Variants in KDM2B observed in about 807,000 individuals in gnomAD.
The protein encoded by KDM2B is lysine-specific demethylase 2B.
A neutral mutation model predicts 150.0 loss-of-function variants in KDM2B; 26 were observed. The observed-to-expected ratio is 0.17, with a 90% CI of 0.13 to 0.24. The LOEUF is 0.24. Among genes scored for constraint, KDM2B ranks in the 10% least tolerant of loss-of-function variants. The probability of loss-of-function intolerance (pLI) is 1.00; values close to 1 mark genes in which losing one functional copy is unlikely to be tolerated. For missense variants in KDM2B, 1,265 were observed against 1,816.9 expected, an observed-to-expected ratio of 0.70 and a Z score of 5.52; for synonymous variants, 734 against 729.5, an observed-to-expected ratio of 1.01 and a Z score of -0.10.
At chr12:121,554,033 CCACACACACACACACACACACACACACA>C (rs56659514) in intron 4 of KDM2B, among the ~76,000 whole-genome samples, 2 of 122,064 alleles carry the variant, frequency 1.6e-5, no homozygotes, top group African/African-American at 6.2e-5. Context: ...CACCCCAGCT[CCACACACACACACACACACACACACACA>C]CACACACACA....
chr12:121,479,613 C>T (rs183986547), intron 12 of KDM2B, among the ~76,000 whole-genome samples: 45 of 151,966 alleles, frequency 3.0e-4, no homozygotes, highest in South Asian at 4.2e-4. Context: ...ACTGTGACTC[C>T]ATTTTTCTCT....
chr12:121,571,893 C>T (rs367924396), intron 4 of KDM2B, among the ~76,000 whole-genome samples: 1 of 151,502 alleles, frequency 6.6e-6, no homozygotes, highest in East Asian at 2.0e-4. Context: ...CCTTGTGATT[C>T]GCCCGCGTCG....
the KDM2B span, among the ~76,000 whole-genome samples, chr12:121,415,840 C>CTTTTTTTTTTTTTTTTTTT: frequency 9.3e-6 from 1 of 108,096 alleles, no homozygotes; most frequent in African/African-American, 3.6e-5. Context: ...TTTGTCCAGT[C>CTTTTTTTTTTTTTTTTTTT]TTTTTTTTTT....
intron 12 of KDM2B, among the ~76,000 whole-genome samples, chr12:121,476,116 GAAAC>G (rs879955427): frequency 0.59 from 88,517 of 151,274 alleles, 26,567 homozygotes; most frequent in African/African-American, 0.73. Context: ...CCAACATGGT[GAAAC>G]CCTGTCTCTA....
intron 13 of KDM2B, 69 bp from the exon 14 acceptor site, chr12:121,445,487 C>G: frequency 2.0e-6 from 3 of 1,478,914 alleles, no homozygotes; most frequent in Non-Finnish European, 2.7e-6. Context: ...GGGGCCAGTT[C>G]AAGGGCAATG....
chr12:121,556,916 G>A (rs1413038493), intron 4 of KDM2B, among the ~76,000 whole-genome samples: 1 of 151,406 alleles, frequency 6.6e-6, no homozygotes, highest in Non-Finnish European at 1.5e-5. Context: ...AACTAAGCCA[G>A]TAAATCAATA....
At chr12:121,498,831 CTT>C (rs782234266) in intron 11 of KDM2B, among the ~76,000 whole-genome samples, 10 of 152,030 alleles carry the variant, frequency 6.6e-5, no homozygotes, top group South Asian at 2.1e-4. Flanking sequence ...TTTAAAGACT[CTT>C]TTAAAAAAAC....
chr12:121,581,394 C>G (rs147517324), upstream of KDM2B: 609 of 154,154 alleles, frequency 4.0e-3, 4 homozygotes, highest in African/African-American at 0.014. Context: ...TATCGGCACC[C>G]TCCGTACATA....
At chr12:121,536,671 T>C (rs2141642448) in intron 6 of KDM2B, among the ~76,000 whole-genome samples, 1 of 152,076 alleles carries the variant, frequency 6.6e-6, no homozygotes, top group East Asian at 1.9e-4. Context: ...TTTTTTTTTT[T>C]TTTTCTTTTT....
At chr12:121,455,779 C>T (rs912365927) in intron 12 of KDM2B, among the ~76,000 whole-genome samples, 5 of 152,214 alleles carry the variant, frequency 3.3e-5, no homozygotes, top group African/African-American at 1.2e-4. Context: ...AGTCCCACTG[C>T]GATTAGCACC....
At chr12:121,559,982 A>G (rs1208063672) in intron 4 of KDM2B, among the ~76,000 whole-genome samples, 1 of 151,736 alleles carries the variant, frequency 6.6e-6, no homozygotes, top group Non-Finnish European at 1.5e-5. Context: ...ATGGGTATTT[A>G]ATAATTTTAA....
chr12:121,565,560 G>C (rs1450393238), intron 4 of KDM2B, among the ~76,000 whole-genome samples: 1 of 151,744 alleles, frequency 6.6e-6, no homozygotes, highest in Non-Finnish European at 1.5e-5. Flanking sequence ...CAGGTGATCT[G>C]CCCACCTTGG....
chr12:121,492,556 C>T (rs991376165), intron 12 of KDM2B, among the ~76,000 whole-genome samples: 18 of 152,026 alleles, frequency 1.2e-4, no homozygotes, highest in Non-Finnish European at 2.1e-4. Flanking sequence ...GATCTGCCCA[C>T]CTTGGCCTCT....
chr12:121,448,265 A>G (rs1215881856), intron 13 of KDM2B, among the ~76,000 whole-genome samples: 1 of 139,438 alleles, frequency 7.2e-6, no homozygotes. Context: ...GGCTGCAGTG[A>G]GCCACGAGCA....
At chr12:121,559,034 G>A (rs1363029315) in intron 4 of KDM2B, among the ~76,000 whole-genome samples, 1 of 152,174 alleles carries the variant, frequency 6.6e-6, no homozygotes, top group Non-Finnish European at 1.5e-5. Flanking sequence ...TCCCAGTCAG[G>A]CCAGGGCCAA....
At chr12:121,582,188 CA>C (rs140109476), upstream of KDM2B, among the ~76,000 whole-genome samples, 1,406 of 152,214 alleles carry the variant, frequency 9.2e-3, 32 homozygotes, top group African/African-American at 0.032. Context: ...TGTTCGTTCC[CA>C]TTTTGCAAAG....
intron 9 of KDM2B, among the ~76,000 whole-genome samples, chr12:121,514,736 T>A: frequency 7.4e-6 from 1 of 134,448 alleles, no homozygotes; most frequent in Non-Finnish European, 1.6e-5. Context: ...TTCACTCCCC[T>A]AATCGCACTC....
chr12:121,505,068 G>A (rs1555302708), intron 11 of KDM2B, among the ~76,000 whole-genome samples: 1 of 145,718 alleles, frequency 6.9e-6, no homozygotes, highest in African/African-American at 2.6e-5. Context: ...AGTGAGCCGA[G>A]ATCACGCCAC....
intron 6 of KDM2B, among the ~76,000 whole-genome samples, chr12:121,544,612 C>A (rs550102950): frequency 2.1e-5 from 3 of 144,022 alleles, no homozygotes; most frequent in African/African-American, 7.8e-5. Flanking sequence ...TCCGTCCCCC[C>A]CCAAAAAAAG....
Sources: gnomAD v4.1 joint callset for allele counts (sites outside exome capture counted in the v4.1 genomes callset) on GRCh38, gnomAD v4.1.1 for gene constraint, MANE v1.5 for transcripts, NCBI Gene and HGNC (gene_info 2026-07-23, HGNC 2026-07-21) for gene names.